Variants in DIAPH2 observed in about 807,000 individuals in gnomAD.
The protein encoded by DIAPH2 is diaphanous related formin 2.
Under a neutral mutation model 92.7 loss-of-function variants are expected in DIAPH2, and 35 were observed. The ratio of observed to expected loss-of-function variants is 0.38; its 90% CI spans 0.29 to 0.50. The LOEUF is 0.50. Ranked by LOEUF, DIAPH2 falls within the 20% of genes least tolerant of loss-of-function variation. The pLI is 0.94. For missense variants in DIAPH2, 701 were observed against 819.5 expected (o/e 0.86, Z 1.77); for synonymous variants, 301 against 280.4 (o/e 1.07, Z -0.73).
chrX:96,710,348 C>T (rs1024996322), intron 1 of DIAPH2, among the ~76,000 whole-genome samples: 1 of 111,226 alleles, frequency 9.0e-6, no homozygotes, highest in Non-Finnish European at 1.9e-5. Flanking sequence ...CAGGCTGTAT[C>T]GAAAAAATAA....
intron 22 of DIAPH2, among the ~76,000 whole-genome samples, chrX:97,162,321 T>A (rs2067380185): frequency 9.0e-6 from 1 of 111,613 alleles, no homozygotes; most frequent in Admixed American, 9.6e-5. Context: ...TTTCTTAACC[T>A]CTCTGTGCCA....
intron 4 of DIAPH2, among the ~76,000 whole-genome samples, chrX:96,858,654 C>T (rs1299443006): frequency 6.3e-5 from 7 of 111,799 alleles, no homozygotes; most frequent in Non-Finnish European, 1.1e-4. Context: ...CAGCAAGGGA[C>T]GTTTACCCTA....
chrX:97,585,688 AC>A (rs1569429604), intron 26 of DIAPH2, among the ~76,000 whole-genome samples: 4 of 109,536 alleles, frequency 3.7e-5, no homozygotes, highest in Non-Finnish European at 7.6e-5. Context: ...AGAAAATATC[AC>A]CCCTTTCAGG....
intron 26 of DIAPH2, among the ~76,000 whole-genome samples, chrX:97,498,558 A>T (rs1365989199): frequency 8.9e-6 from 1 of 111,854 alleles, no homozygotes; most frequent in Admixed American, 9.5e-5. Context: ...AGGAGACTCT[A>T]AGGTATCTCA....
chrX:96,798,025 C>T (rs892461069), intron 4 of DIAPH2, among the ~76,000 whole-genome samples: 9 of 112,577 alleles, frequency 8.0e-5, no homozygotes, highest in African/African-American at 2.9e-4. Flanking sequence ...TGGTGTGGTA[C>T]ATTTGGCTCT....
At chrX:97,216,360 A>G (rs1488572458) in intron 22 of DIAPH2, among the ~76,000 whole-genome samples, 3 of 111,533 alleles carry the variant, frequency 2.7e-5, no homozygotes, top group Admixed American at 1.9e-4. Context: ...GCTGGAGTAC[A>G]GTGGTGTGAT....
chrX:96,969,096 G>C (rs745433211), intron 17 of DIAPH2, among the ~76,000 whole-genome samples: 2 of 111,889 alleles, frequency 1.8e-5, no homozygotes, highest in Non-Finnish European at 3.8e-5. Flanking sequence ...GTCTATTTTT[G>C]TACCAGTACC....
intron 21 of DIAPH2, among the ~76,000 whole-genome samples, chrX:97,133,647 C>T (rs2067152623): frequency 1.8e-5 from 2 of 112,048 alleles, no homozygotes; most frequent in South Asian, 7.4e-4. Flanking sequence ...GGACAGGGAG[C>T]CAAGGTCCGC....
intron 25 of DIAPH2, among the ~76,000 whole-genome samples, chrX:97,390,559 G>T (rs2069649258): frequency 9.1e-6 from 1 of 109,580 alleles, no homozygotes; most frequent in South Asian, 3.9e-4. Context: ...TTGAGATGGA[G>T]TCTTGCTCTG....
intron 24 of DIAPH2, among the ~76,000 whole-genome samples, chrX:97,381,821 A>G (rs898967787): frequency 8.9e-6 from 1 of 112,251 alleles, no homozygotes; most frequent in African/African-American, 3.2e-5. Context: ...GATAATGTTT[A>G]AAACTCCTGG....
At chrX:96,895,254 C>T (rs914113636) in intron 5 of DIAPH2, among the ~76,000 whole-genome samples, 2 of 111,488 alleles carry the variant, frequency 1.8e-5, no homozygotes, top group African/African-American at 6.5e-5. Context: ...ATCCACCTGC[C>T]TCGGCCTCCC....
At chrX:97,170,308 TA>T (rs747947141) in intron 22 of DIAPH2, among the ~76,000 whole-genome samples, 2 of 111,827 alleles carry the variant, frequency 1.8e-5, no homozygotes, top group Non-Finnish European at 3.8e-5. Flanking sequence ...ATCCATGACA[TA>T]CTATAATGTT....
At chrX:96,962,360 TATATAC>T (rs1440444333) in intron 16 of DIAPH2, among the ~76,000 whole-genome samples, 2 of 71,322 alleles carry the variant, frequency 2.8e-5, no homozygotes, top group African/African-American at 1.1e-4. Flanking sequence ...TACACATATA[TATATAC>T]ACATATATAT....
intron 22 of DIAPH2, among the ~76,000 whole-genome samples, chrX:97,242,347 T>C (rs5920870): frequency 0.13 from 14,298 of 109,717 alleles, 1,677 homozygotes; most frequent in African/African-American, 0.38. Flanking sequence ...GAATTGCTCA[T>C]TGTCTCCTCT....
intron 19 of DIAPH2, among the ~76,000 whole-genome samples, chrX:97,085,168 T>C (rs2066774747): frequency 8.9e-6 from 1 of 111,901 alleles, no homozygotes; most frequent in African/African-American, 3.2e-5. Flanking sequence ...ATATATTCTA[T>C]ATTTAGAATC....
At chrX:97,396,791 G>C (rs1462339932) in intron 25 of DIAPH2, among the ~76,000 whole-genome samples, 3 of 111,606 alleles carry the variant, frequency 2.7e-5, no homozygotes, top group African/African-American at 9.8e-5. Context: ...AAGTATGATT[G>C]ACTGATAACT....
At chrX:96,894,934 G>C (rs1177087937) in intron 5 of DIAPH2, among the ~76,000 whole-genome samples, 1 of 108,240 alleles carries the variant, frequency 9.2e-6, no homozygotes, top group Non-Finnish European at 1.9e-5. Flanking sequence ...GTTCATTTGG[G>C]GAGCAGGAAA....
chrX:96,960,152 A>G (rs1192408231), intron 16 of DIAPH2, among the ~76,000 whole-genome samples: 1 of 111,141 alleles, frequency 9.0e-6, no homozygotes, highest in Non-Finnish European at 1.9e-5. Context: ...AAAAATGTTA[A>G]TGGTATTTTG....
chrX:97,034,272 T>C (rs899423929), intron 17 of DIAPH2, among the ~76,000 whole-genome samples: 6 of 111,192 alleles, frequency 5.4e-5, no homozygotes, highest in Non-Finnish European at 1.1e-4. Context: ...CCAACAAGCA[T>C]TGTAGTCCAC....
Sources: allele counts gnomAD v4.1 joint callset (sites outside exome capture counted in the v4.1 genomes callset), GRCh38; gene constraint gnomAD v4.1.1; transcripts MANE v1.5; gene names NCBI Gene and HGNC (gene_info 2026-07-23, HGNC 2026-07-21).